Variants in PLXNA4 observed in about 807,000 individuals in gnomAD.
PLXNA4 encodes plexin-A4.
PLXNA4 carries 44 observed loss-of-function variants against 191.8 expected under a neutral mutation model. The ratio of observed to expected loss-of-function variants is 0.23; its 90% confidence interval spans 0.18 to 0.29. The LOEUF is 0.29. PLXNA4 is among the 10% of genes least tolerant of loss of function. The pLI, the probability that PLXNA4 is intolerant of heterozygous loss-of-function variation, is 1.00. For missense variants in PLXNA4, 1,800 were observed against 2,488.8 expected (o/e 0.72, Z 5.89); for synonymous variants, 1,082 against 1,009.5 (o/e 1.07, Z -1.36).
At chr7:132,252,017 G>A (rs1315852151) in intron 4 of PLXNA4, among the ~76,000 whole-genome samples, 1 of 152,170 alleles carries the variant, frequency 6.6e-6, no homozygotes, top group South Asian at 2.1e-4. Context: ...TAGAAAGGAG[G>A]CAGAGACGAC....
chr7:132,147,962 T>G lies in PLXNA4; in HGVS notation c.4802A>C (p.Gln1601Pro). ...GTTCACTGCGTTATAGGCTGTCACC[T>G]GCTTGGACACTAATGCCACCACGGA... ...DGSVVALVSK[Q>P]VTAYNAVNNS... Residue 1601 changes from glutamine to proline, a missense_variant, in exon 27 of 32, where the codon CAG becomes CCG. Coordinates refer to ENST00000321063, the MANE Select transcript of PLXNA4 (RefSeq NM_020911.2). 3.1e-6 allele frequency: 5 copies of G among 1,614,180 alleles called. No individual in the cohort carries two copies. Among genetic ancestry groups the G allele is most frequent in the Non-Finnish European group, 4.2e-6 (5 of 1,180,040 alleles).
At chr7:132,184,303 G>A (rs1324389935) in intron 16 of PLXNA4, among the ~76,000 whole-genome samples, 2 of 152,228 alleles carry the variant, frequency 1.3e-5, no homozygotes, top group Non-Finnish European at 2.9e-5. Flanking sequence ...GTGGACAAAT[G>A]AGGGACTCTG....
chr7:132,516,897 C>T (rs1469129209), intron 1 of PLXNA4, among the ~76,000 whole-genome samples: 2 of 152,100 alleles, frequency 1.3e-5, no homozygotes, highest in African/African-American at 2.4e-5. Context: ...GAGGTTGCAG[C>T]GGTGAGCCGA....
intron 3 of PLXNA4, among the ~76,000 whole-genome samples, chr7:132,369,711 C>T (rs1418824697): frequency 6.6e-6 from 1 of 151,786 alleles, no homozygotes. Flanking sequence ...TTATAGACAC[C>T]CTATAGAGGA....
intron 2 of PLXNA4, among the ~76,000 whole-genome samples, chr7:132,633,689 T>A (rs1803538275): frequency 6.6e-6 from 1 of 152,152 alleles, no homozygotes; most frequent in South Asian, 2.1e-4. Flanking sequence ...GACCATTTTA[T>A]CTCCAAAGTA....
intron 1 of PLXNA4, among the ~76,000 whole-genome samples, chr7:132,520,172 G>A (rs1799115843): frequency 6.6e-6 from 1 of 152,230 alleles, no homozygotes; most frequent in Non-Finnish European, 1.5e-5. Context: ...TTAGCTGCCT[G>A]AATCTAGATT....
chr7:132,231,016 T>C (rs964655082), intron 5 of PLXNA4, among the ~76,000 whole-genome samples: 3 of 152,170 alleles, frequency 2.0e-5, no homozygotes, highest in African/African-American at 7.2e-5. Context: ...TGCTTGCTGC[T>C]TCCAAAGTTC....
chr7:132,237,511 G>A (rs934460741), intron 5 of PLXNA4, among the ~76,000 whole-genome samples: 1 of 152,186 alleles, frequency 6.6e-6, no homozygotes, highest in African/African-American at 2.4e-5. Context: ...TTTACTGAGT[G>A]CCTCAGCGGG....
chr7:132,250,631 C>T (rs760989646), intron 4 of PLXNA4, among the ~76,000 whole-genome samples: 4 of 152,180 alleles, frequency 2.6e-5, no homozygotes, highest in Non-Finnish European at 5.9e-5. Context: ...TCTAGCTAGG[C>T]AGATCCTATG....
intron 10 of PLXNA4, among the ~76,000 whole-genome samples, chr7:132,208,570 T>G (rs1437405026): frequency 6.6e-6 from 1 of 152,090 alleles, no homozygotes; most frequent in Non-Finnish European, 1.5e-5. Flanking sequence ...GGTTCTCTTC[T>G]TGGTGAAGGG....
chr7:132,629,566 G>A (rs1803451893), intron 2 of PLXNA4, among the ~76,000 whole-genome samples: 1 of 152,140 alleles, frequency 6.6e-6, no homozygotes, highest in Admixed American at 6.6e-5. Context: ...CTGAGGATTG[G>A]GAACCATGAA....
intron 3 of PLXNA4, among the ~76,000 whole-genome samples, chr7:132,489,037 G>A (rs1016988945): frequency 5.9e-5 from 9 of 152,178 alleles, no homozygotes; most frequent in African/African-American, 1.9e-4. Flanking sequence ...AACACTGCAA[G>A]GCTGGTCTGA....
intron 3 of PLXNA4, among the ~76,000 whole-genome samples, chr7:132,478,067 TG>T (rs1360568291): frequency 6.6e-6 from 1 of 152,192 alleles, no homozygotes; most frequent in Non-Finnish European, 1.5e-5. Context: ...CCTCCAGCCA[TG>T]GCCCTTCCTA....
intron 19 of PLXNA4, among the ~76,000 whole-genome samples, chr7:132,180,385 G>A (rs796873454): frequency 7.9e-5 from 12 of 152,300 alleles, no homozygotes; most frequent in African/African-American, 2.9e-4. Flanking sequence ...CCTTATTGTT[G>A]CACCAGCCAG....
intron 2 of PLXNA4, among the ~76,000 whole-genome samples, chr7:132,624,027 C>T (rs1396178655): frequency 6.6e-6 from 1 of 152,218 alleles, no homozygotes; most frequent in Non-Finnish European, 1.5e-5. Context: ...TAGCATTTCA[C>T]AGTTTATATA....
At chr7:132,287,051 T>C (rs1488457422) in intron 4 of PLXNA4, among the ~76,000 whole-genome samples, 1 of 152,196 alleles carries the variant, frequency 6.6e-6, no homozygotes, top group African/African-American at 2.4e-5. Flanking sequence ...TTGTTTGTTT[T>C]GGACATAGAG....
At chr7:132,470,738 A>C (rs1465868117) in intron 3 of PLXNA4, among the ~76,000 whole-genome samples, 1 of 152,190 alleles carries the variant, frequency 6.6e-6, no homozygotes, top group Non-Finnish European at 1.5e-5. Context: ...GGCCAAAAAC[A>C]TGTATCACTG....
At chr7:132,211,374 T>C (rs1377894773) in intron 9 of PLXNA4, among the ~76,000 whole-genome samples, 1 of 152,124 alleles carries the variant, frequency 6.6e-6, no homozygotes, top group African/African-American at 2.4e-5. Flanking sequence ...CCTCTTTGGG[T>C]TCCATGAAAA....
rs143303084 is a variant in PLXNA4, at chr7:132,407,840, G to A, written c.1371+81452C>T. Reference sequence around the variant, plus strand: ...TTAGAACACACAGATTTTATACATCGGAAACAAGAAATGTCTACCACATTA... The same window carrying A: ...TTAGAACACACAGATTTTATACATCAGAAACAAGAAATGTCTACCACATTA... On this transcript the variant is annotated intron_variant, in intron 3 of 31. Coordinates refer to ENST00000321063, the MANE Select transcript of PLXNA4 (RefSeq NM_020911.2). Among the ~76,000 whole-genome samples the A allele has an allele frequency of 1.3e-3, 194 of 152,216 alleles. 1 individual carries two copies. The highest frequency in any genetic ancestry group is 4.4e-3 in the African/African-American group (181 of 41,526).
Sources: gnomAD v4.1 joint callset for allele counts (sites outside exome capture counted in the v4.1 genomes callset) on GRCh38, gnomAD v4.1.1 for gene constraint, MANE v1.5 for transcripts, NCBI Gene and HGNC (gene_info 2026-07-23, HGNC 2026-07-21) for gene names.